Variants in PEAK1 observed in about 807,000 individuals in gnomAD.
The protein encoded by PEAK1 is inactive tyrosine-protein kinase PEAK1.
In PEAK1, 54 loss-of-function variants were observed where a neutral mutation model predicts 124.7. The observed-to-expected ratio is 0.43, with a 90% CI of 0.35 to 0.54. The LOEUF (loss-of-function observed/expected upper bound fraction) is 0.54, where lower values mean the gene tolerates loss of function less well. Ranked by LOEUF, PEAK1 falls within the 20% of genes least tolerant of loss-of-function variation. The pLI, the probability that PEAK1 is intolerant of heterozygous loss-of-function variation, is 0.01. For synonymous variants in PEAK1, 719 were observed against 760.0 expected (o/e 0.95, Z 0.89); for missense variants, 2,046 against 2,134.5 (o/e 0.96, Z 0.82).
intron 2 of PEAK1, chr15:77,348,519 C>CG (rs2067009247): frequency 1.0e-6 from 1 of 964,438 alleles, no homozygotes; most frequent in Non-Finnish European, 1.2e-6. Flanking sequence ...AGGCCAAACT[C>CG]CTTTATTTTA....
In PEAK1 at chr15:77,179,936, G is replaced by A; in HGVS notation, c.1991C>T (p.Thr664Ile). 1 of 1,614,106 alleles carries A rather than the reference G, an allele frequency of 6.2e-7. No homozygotes were observed. Among genetic ancestry groups the A allele is most frequent in the African/African-American group, 1.3e-5 (1 of 75,048 alleles). The change falls in exon 7 of 10, where the codon ACT (threonine) becomes ATT (isoleucine). Residue 664 changes from threonine (T) to isoleucine (I), a missense_variant. Thr to Ile is a moderately conservative substitution (Grantham distance 89, BLOSUM62 -1). Transcript: ENST00000682557. Reference sequence around the variant, plus strand: ...GCTTTCTGTTTCTATTTCTTCATAAGTATGGCTTATTACACTTGTGGTTTT... The same window carrying A: ...GCTTTCTGTTTCTATTTCTTCATAAATATGGCTTATTACACTTGTGGTTTT... ...KEKTTSVISH[T>I]YEEIETESKV...
chr15:77,209,746 C>T (rs1050135835), intron 6 of PEAK1, among the ~76,000 whole-genome samples: 4 of 151,966 alleles, frequency 2.6e-5, no homozygotes, highest in African/African-American at 7.2e-5. Context: ...GAATAATGAC[C>T]CCACAAAGAT....
At chr15:77,364,139 C>T (rs183903389) in intron 2 of PEAK1, among the ~76,000 whole-genome samples, 69 of 152,184 alleles carry the variant, frequency 4.5e-4, no homozygotes, top group African/African-American at 1.5e-3. Context: ...GCAGAGGTTG[C>T]GGTGAACCAA....
At chr15:77,304,433 C>T (rs976322645) in intron 2 of PEAK1, among the ~76,000 whole-genome samples, 6 of 149,636 alleles carry the variant, frequency 4.0e-5, no homozygotes, top group African/African-American at 1.5e-4. Context: ...GCTCCTAGCT[C>T]CTGTATACAT....
At chr15:77,237,437 T>A (rs1459923685) in intron 6 of PEAK1, among the ~76,000 whole-genome samples, 2 of 151,844 alleles carry the variant, frequency 1.3e-5, no homozygotes, top group African/African-American at 4.8e-5. Context: ...AAACTTTTTT[T>A]TTTTTCAAAT....
At chr15:77,168,057 G>A (rs1033570509) in intron 7 of PEAK1, among the ~76,000 whole-genome samples, 2 of 151,988 alleles carry the variant, frequency 1.3e-5, no homozygotes, top group African/African-American at 2.4e-5. Flanking sequence ...TCTCTACAAA[G>A]GACATGAACT....
At chr15:77,418,304 A>C (rs2073055319) in intron 1 of PEAK1, 21 of 985,336 alleles carry the variant, frequency 2.1e-5, no homozygotes, top group Admixed American at 6.1e-5. Flanking sequence ...GAGGGAAAAG[A>C]AGGAACATAC....
intron 1 of PEAK1, among the ~76,000 whole-genome samples, chr15:77,382,089 TCTCA>T (rs991761494): frequency 1.4e-4 from 22 of 152,178 alleles, no homozygotes; most frequent in Non-Finnish European, 4.4e-5. Flanking sequence ...TCTCTTTCTC[TCTCA>T]CTCTCACTCA....
rs74503948 is a variant in PEAK1, at chr15:77,194,348, A to G, written c.-114-12308T>C. On this transcript the variant is annotated intron_variant, in intron 6 of 9. Transcript: ENST00000682557. ...CCTTAACTACTTTAACTCTTCATAA[A>G]GCCATTAATTGTTCTCAGTTGCATA... Among the ~76,000 whole-genome samples the G allele has an allele frequency of 7.8e-3, 1,186 of 152,290 alleles. 13 individuals are homozygous for G. The highest frequency in any genetic ancestry group is 8.2e-3 in the Non-Finnish European group (556 of 68,038).
intron 6 of PEAK1, among the ~76,000 whole-genome samples, chr15:77,199,386 G>A (rs905513264): frequency 6.6e-6 from 1 of 152,120 alleles, no homozygotes; most frequent in Non-Finnish European, 1.5e-5. Context: ...CTCTAGATCG[G>A]GGGCCATAGG....
chr15:77,368,395 G>A (rs2068405879), intron 1 of PEAK1, among the ~76,000 whole-genome samples: 1 of 152,032 alleles, frequency 6.6e-6, no homozygotes, highest in South Asian at 2.1e-4. Context: ...GCAGGTGCCT[G>A]TAATCCTAGC....
At chr15:77,187,226 C>T (rs1037388743) in intron 6 of PEAK1, among the ~76,000 whole-genome samples, 6 of 152,168 alleles carry the variant, frequency 3.9e-5, no homozygotes, top group African/African-American at 1.2e-4. Flanking sequence ...ATCTAAAATC[C>T]TATTTCATAT....
At chr15:77,403,113 C>A (rs1201277172) in intron 1 of PEAK1, 3 of 985,152 alleles carry the variant, frequency 3.0e-6, no homozygotes, top group South Asian at 9.4e-5. Context: ...TAAATTGGAG[C>A]CTTTTCTGGT....
chr15:77,260,008 T>C, intron 5 of PEAK1, among the ~76,000 whole-genome samples: 1 of 152,166 alleles, frequency 6.6e-6, no homozygotes. Flanking sequence ...GGTAAAATTT[T>C]TTTTGAGACC....
At chr15:77,266,367 G>A (rs2061731905) in intron 5 of PEAK1, among the ~76,000 whole-genome samples, 1 of 152,096 alleles carries the variant, frequency 6.6e-6, no homozygotes, top group South Asian at 2.1e-4. Flanking sequence ...GGCCTAGTAC[G>A]AAGCTGAAAC....
At chr15:77,294,187 A>T (rs1283792723) in intron 2 of PEAK1, among the ~76,000 whole-genome samples, 1 of 152,190 alleles carries the variant, frequency 6.6e-6, no homozygotes, top group African/African-American at 2.4e-5. Flanking sequence ...CTGAAAGCTG[A>T]GACTGGCTTT....
At chr15:77,123,172 C>T (rs62007254) in intron 9 of PEAK1, among the ~76,000 whole-genome samples, 13,288 of 152,262 alleles carry the variant, frequency 0.087, 651 homozygotes, top group Non-Finnish European at 0.1. Context: ...AAGATACCTA[C>T]TATCCCAATT....
In PEAK1 at chr15:77,264,791, C is replaced by T. The variant is rs879501863; in HGVS notation, c.-274-12265G>A. ...TATGAAACCAAAAAAGAGCCCGCAT[C>T]GCCAAGTCAATCCTAAGCCAAAAGA... On this transcript the variant is annotated intron_variant, in intron 5 of 9. Coordinates refer to ENST00000682557, the MANE Select transcript of PEAK1 (RefSeq NM_001385026.1). Among the ~76,000 whole-genome samples, 364 of 151,938 alleles carry T rather than the reference C, an allele frequency of 2.4e-3. 7 individuals carry two copies. Among genetic ancestry groups the T allele is most frequent in the Admixed American group, 0.021 (325 of 15,228 alleles).
intron 2 of PEAK1, among the ~76,000 whole-genome samples, chr15:77,357,722 A>G (rs996058540): frequency 6.6e-6 from 1 of 152,252 alleles, no homozygotes; most frequent in East Asian, 1.9e-4. Flanking sequence ...GAGACAGAGG[A>G]TCTAAGGTGA....
Sources: allele counts gnomAD v4.1 joint callset (sites outside exome capture counted in the v4.1 genomes callset), GRCh38; gene constraint gnomAD v4.1.1; transcripts MANE v1.5; gene names NCBI Gene and HGNC (gene_info 2026-07-23, HGNC 2026-07-21).